The following PEX5L variants were observed in gnomAD, a reference collection of about 807,000 sequenced individuals.
The protein encoded by PEX5L is peroxisomal biogenesis factor 5 like.
PEX5L carries 30 observed loss-of-function variants against 84.0 expected under a neutral mutation model. The observed-to-expected ratio is 0.36, with a 90% CI of 0.27 to 0.48. The LOEUF is 0.48. Among genes scored for constraint, PEX5L ranks in the 20% least tolerant of loss-of-function variants. The pLI is 0.99. For synonymous variants in PEX5L, 270 were observed against 283.1 expected (o/e 0.95, Z 0.46); for missense variants, 533 against 754.6 (o/e 0.71, Z 3.44).
intron 2 of PEX5L, among the ~76,000 whole-genome samples, chr3:179,952,160 G>A (rs1321590220): frequency 6.6e-6 from 1 of 152,128 alleles, no homozygotes; most frequent in Admixed American, 6.5e-5. Flanking sequence ...CCAAAGCAAA[G>A]GTAGCCTTGT....
At chr3:179,812,497 T>C (rs1470525730) in intron 10 of PEX5L, among the ~76,000 whole-genome samples, 1 of 152,194 alleles carries the variant, frequency 6.6e-6, no homozygotes, top group Non-Finnish European at 1.5e-5. Flanking sequence ...TTCATGTTTT[T>C]ACAAAATCCT....
rs547812788 is a variant in PEX5L, at chr3:179,974,224, A to C, written c.22-2559T>G. 1.7e-5 allele frequency: 17 copies of C among 984,408 alleles called. No individual in the cohort carries two copies. In the Admixed American group the frequency reaches 9.2e-4, roughly 53 times the overall value. The allele number at this position is 984,408 out of a possible 1,614,324, so 61.0% of individuals were successfully genotyped here. ...ACAGTAGCCAAAGGACTGAACTAGA[A>C]GGAAAAAGAAAGCTAATCTCTCCAC... On this transcript the variant is annotated intron_variant, in intron 1 of 14. Coordinates refer to ENST00000467460, the MANE Select transcript of PEX5L (RefSeq NM_016559.3).
intron 1 of PEX5L, among the ~76,000 whole-genome samples, chr3:180,019,993 T>C (rs1286926634): frequency 6.6e-6 from 1 of 152,168 alleles, no homozygotes; most frequent in Non-Finnish European, 1.5e-5. Context: ...AATTTTCAAA[T>C]TTGAGATGGT....
At chr3:179,893,469 C>A (rs1465524546) in intron 3 of PEX5L, among the ~76,000 whole-genome samples, 4 of 152,040 alleles carry the variant, frequency 2.6e-5, no homozygotes, top group Non-Finnish European at 4.4e-5. Context: ...AATCTTGTTT[C>A]GTGACTTGAA....
chr3:179,807,991 G>A (rs186521460), intron 13 of PEX5L, among the ~76,000 whole-genome samples, 160 bp from the exon 14 acceptor site: 51 of 152,322 alleles, frequency 3.3e-4, no homozygotes, highest in Non-Finnish European at 6.9e-4. Context: ...TTCACGGACA[G>A]TTTTGTCAAA....
intron 1 of PEX5L, among the ~76,000 whole-genome samples, chr3:179,999,628 T>C (rs965670114): frequency 2.0e-5 from 3 of 152,214 alleles, no homozygotes; most frequent in African/African-American, 7.2e-5. Context: ...CCCACTGGAA[T>C]AGACACTTAC....
intron 2 of PEX5L, among the ~76,000 whole-genome samples, chr3:179,950,267 A>AC (rs1335661725): frequency 2.6e-5 from 4 of 151,480 alleles, no homozygotes; most frequent in African/African-American, 9.7e-5. Context: ...GGACAAAAAA[A>AC]CAAACACCGC....
At chr3:179,921,829 T>G (rs1157651802) in intron 2 of PEX5L, 2 of 152,180 alleles carry the variant, frequency 1.3e-5, no homozygotes, top group Non-Finnish European at 2.9e-5. Context: ...GCAGGATATA[T>G]CCACACAGCT....
intron 2 of PEX5L, among the ~76,000 whole-genome samples, chr3:179,920,081 A>G (rs1289013202): frequency 2.0e-5 from 3 of 152,208 alleles, no homozygotes; most frequent in South Asian, 2.1e-4. Context: ...CAAAATGTCC[A>G]TTAGAAAAAC....
intron 8 of PEX5L, among the ~76,000 whole-genome samples, chr3:179,858,674 C>T (rs1744913841): frequency 6.6e-6 from 1 of 152,136 alleles, no homozygotes; most frequent in Non-Finnish European, 1.5e-5. Context: ...AGACATTGTG[C>T]TAGATGCTAG....
chr3:180,036,621 C>A lies in PEX5L; in HGVS notation c.-22G>T, dbSNP rs1398305002. ...ACATTCTGCTTCGGTTTCTTCAGGG[C>A]TCCCTGAGGCCACCGGATGCTTTTC... On this transcript the variant is annotated 5_prime_UTR_variant, in exon 1 of 15. Coordinates refer to ENST00000467460, the MANE Select transcript of PEX5L (RefSeq NM_016559.3). 3 of 1,613,282 alleles carry A rather than the reference C, an allele frequency of 1.9e-6. No individual in the cohort carries two copies. In the East Asian group the frequency reaches 6.7e-5, roughly 36 times the overall value.
intron 2 of PEX5L, among the ~76,000 whole-genome samples, chr3:179,926,947 G>T (rs1049738078): frequency 5.3e-5 from 8 of 152,182 alleles, no homozygotes; most frequent in Non-Finnish European, 1.2e-4. Context: ...TAATGGTGTG[G>T]ACTTAGGCAG....
At chr3:179,992,936 C>T (rs557957804) in intron 1 of PEX5L, among the ~76,000 whole-genome samples, 1 of 151,796 alleles carries the variant, frequency 6.6e-6, no homozygotes, top group African/African-American at 2.4e-5. Flanking sequence ...CCTTGCAGAA[C>T]GCACAGTCTA....
At chr3:179,981,429 C>G (rs891754548) in intron 1 of PEX5L, among the ~76,000 whole-genome samples, 1 of 152,154 alleles carries the variant, frequency 6.6e-6, no homozygotes, top group Non-Finnish European at 1.5e-5. Context: ...CAGTGCATGA[C>G]AGCCTGGAGC....
At chr3:180,000,164 T>C (rs1788264871) in intron 1 of PEX5L, among the ~76,000 whole-genome samples, 1 of 152,176 alleles carries the variant, frequency 6.6e-6, no homozygotes, top group African/African-American at 2.4e-5. Context: ...GGAGGAATGC[T>C]GCCACCAGGA....
At chr3:179,915,193 T>C (rs536747343) in intron 2 of PEX5L, among the ~76,000 whole-genome samples, 1 of 152,264 alleles carries the variant, frequency 6.6e-6, no homozygotes, top group South Asian at 2.1e-4. Context: ...AATGATTTTT[T>C]AAAAATCCAC....
At chr3:179,875,677 A>C (rs745880376) in intron 5 of PEX5L, among the ~76,000 whole-genome samples, 200 bp from the exon 6 acceptor site, 4 of 152,232 alleles carry the variant, frequency 2.6e-5, no homozygotes, top group Non-Finnish European at 5.9e-5. Context: ...CCAATGTTGC[A>C]TACAAATTAA....
At position 179,808,406 on chromosome 3, in the gene PEX5L, G is replaced by A; in HGVS notation, c.1384C>T (p.Leu462=). 6.4e-7 allele frequency: 1 copy of A among 1,565,514 alleles called. No homozygotes were observed. Among genetic ancestry groups the A allele is most frequent in the East Asian group, 2.3e-5 (1 of 42,802 alleles). Residue 462 remains leucine (L), a synonymous_variant, in exon 13 of 15, where the codon CTG becomes TTG. Coordinates refer to ENST00000467460, the MANE Select transcript of PEX5L (RefSeq NM_016559.3). ...SVLEGVKELY[L]EAAHQNGDMI... The stretch of plus-strand genomic sequence containing the variant: ...TCTCCATTTTGGTGGGCAGCTTCCA[G>A]ATATAATTCCTTCACCCCTTCCAGA...
At chr3:179,847,616 A>G (rs894103521) in intron 8 of PEX5L, among the ~76,000 whole-genome samples, 13 of 152,246 alleles carry the variant, frequency 8.5e-5, no homozygotes, top group Non-Finnish European at 1.8e-4. Flanking sequence ...GATGTTCTAC[A>G]TATTAAACCA....
Sources: gnomAD v4.1 joint callset for allele counts (sites outside exome capture counted in the v4.1 genomes callset) on GRCh38, gnomAD v4.1.1 for gene constraint, MANE v1.5 for transcripts, NCBI Gene and HGNC (gene_info 2026-07-23, HGNC 2026-07-21) for gene names.